ZBTB7C: variants seen among roughly 807,000 people sequenced by gnomAD.
ZBTB7C encodes the protein zinc finger and BTB domain containing 7C.
Under a neutral mutation model 25.7 loss-of-function variants are expected in ZBTB7C, and 8 were observed. That is an observed-to-expected ratio of 0.31 (90% CI 0.18 to 0.56). The LOEUF (loss-of-function observed/expected upper bound fraction) is 0.56. Among genes scored for constraint, ZBTB7C ranks in the 20% least tolerant of loss-of-function variants. The pLI is 0.91. For missense variants in ZBTB7C, 824 were observed against 855.2 expected (o/e 0.96, Z 0.46); for synonymous variants, 394 against 369.0 (o/e 1.07, Z -0.78).
intron 1 of ZBTB7C, among the ~76,000 whole-genome samples, chr18:48,384,599 C>T (rs890740780): frequency 3.9e-5 from 6 of 152,300 alleles, no homozygotes; most frequent in South Asian, 2.1e-4. Flanking sequence ...TACACAAATT[C>T]GTAAACTTTC....
intron 3 of ZBTB7C, among the ~76,000 whole-genome samples, chr18:48,098,560 T>C (rs919922914): frequency 3.3e-5 from 5 of 152,312 alleles, no homozygotes; most frequent in Admixed American, 6.5e-5. Flanking sequence ...CTGAATGTTA[T>C]TGTGCTTTGG....
At chr18:48,202,946 C>T (rs1486695971) in intron 2 of ZBTB7C, among the ~76,000 whole-genome samples, 1 of 151,972 alleles carries the variant, frequency 6.6e-6, no homozygotes, top group Non-Finnish European at 1.5e-5. Flanking sequence ...CTCCTACCTC[C>T]CCACCTACGC....
At chr18:48,198,581 A>C (rs1670705716) in intron 2 of ZBTB7C, among the ~76,000 whole-genome samples, 1 of 151,918 alleles carries the variant, frequency 6.6e-6, no homozygotes, top group Admixed American at 6.6e-5. Flanking sequence ...CCCTTCCTTC[A>C]TCTTCAAAGC....
chr18:48,162,677 T>C (rs2041104949), intron 3 of ZBTB7C, among the ~76,000 whole-genome samples: 1 of 152,158 alleles, frequency 6.6e-6, no homozygotes, highest in Non-Finnish European at 1.5e-5. Context: ...CTTGTAAAAT[T>C]CTGTCTCCTC....
At chr18:48,256,678 G>A (rs968162138) in intron 2 of ZBTB7C, among the ~76,000 whole-genome samples, 5 of 151,802 alleles carry the variant, frequency 3.3e-5, no homozygotes, top group African/African-American at 2.4e-5. Flanking sequence ...TATAACATAT[G>A]TAAAAGTAAA....
intron 3 of ZBTB7C, among the ~76,000 whole-genome samples, chr18:48,057,640 T>G (rs983021200): frequency 2.0e-5 from 3 of 152,238 alleles, no homozygotes; most frequent in Admixed American, 6.5e-5. Flanking sequence ...TTAAAGCCAT[T>G]ATTATTAAAA....
chr18:48,395,498 A>AG (rs1297981578), intron 1 of ZBTB7C, among the ~76,000 whole-genome samples: 1 of 134,572 alleles, frequency 7.4e-6, no homozygotes, highest in African/African-American at 3.0e-5. Flanking sequence ...TGTGTGTCAG[A>AG]GGGGTTGGGG....
Position 48,029,257 on chromosome 18 carries a change from A to C in ZBTB7C, c.*3T>G, listed in dbSNP as rs1296559208. The C allele has an allele frequency of 6.5e-7, 1 of 1,536,304 alleles. No individual in the cohort carries two copies. The highest frequency in any genetic ancestry group is 8.7e-7 in the Non-Finnish European group (1 of 1,148,888). ...TGGTGGGCTGGAGCCGACAGGGACC[A>C]GCCTAGTTGTTGGCTTCGGACATGG... On this transcript the variant is annotated 3_prime_UTR_variant, in exon 5 of 5. Coordinates refer to ENST00000590800, the MANE Select transcript of ZBTB7C (RefSeq NM_001318841.2).
At chr18:48,111,937 A>C (rs1234906453) in intron 3 of ZBTB7C, among the ~76,000 whole-genome samples, 1 of 152,208 alleles carries the variant, frequency 6.6e-6, no homozygotes, top group Admixed American at 6.5e-5. Context: ...ATAAATAGTT[A>C]AGTATGTAAA....
At chr18:48,310,441 A>C (rs920220136) in intron 2 of ZBTB7C, among the ~76,000 whole-genome samples, 1 of 151,942 alleles carries the variant, frequency 6.6e-6, no homozygotes, top group Non-Finnish European at 1.5e-5. Flanking sequence ...AAAAAAAAAA[A>C]AAACTACGTC....
intron 3 of ZBTB7C, among the ~76,000 whole-genome samples, chr18:48,111,492 C>T (rs772767336): frequency 1.9e-4 from 29 of 152,156 alleles, no homozygotes; most frequent in Middle Eastern, 6.3e-3. Context: ...ATTTGGTAAC[C>T]CAAGGTGAGC....
At chr18:48,253,971 A>C (rs2043945707) in intron 2 of ZBTB7C, among the ~76,000 whole-genome samples, 1 of 152,216 alleles carries the variant, frequency 6.6e-6, no homozygotes, top group Non-Finnish European at 1.5e-5. Context: ...AAATTCCAGC[A>C]AAACAGCTAA....
intron 2 of ZBTB7C, among the ~76,000 whole-genome samples, chr18:48,297,144 T>C (rs1157355645): frequency 6.6e-6 from 1 of 152,168 alleles, no homozygotes; most frequent in African/African-American, 2.4e-5. Flanking sequence ...TGCCCGCATG[T>C]TCTAGAGTGC....
intron 2 of ZBTB7C, among the ~76,000 whole-genome samples, chr18:48,247,681 G>T (rs2043733707): frequency 6.6e-6 from 1 of 152,152 alleles, no homozygotes; most frequent in Admixed American, 6.5e-5. Context: ...CATCTTGAAT[G>T]TAATCCCCAT....
intron 3 of ZBTB7C, among the ~76,000 whole-genome samples, chr18:48,179,511 C>T (rs550004044): frequency 2.6e-5 from 4 of 152,056 alleles, no homozygotes; most frequent in East Asian, 3.9e-4. Context: ...GGTTAAGCAC[C>T]AGGAAGGAGA....
chr18:48,371,467 A>C (rs1396191596), intron 1 of ZBTB7C, among the ~76,000 whole-genome samples: 1 of 152,244 alleles, frequency 6.6e-6, no homozygotes, highest in Non-Finnish European at 1.5e-5. Flanking sequence ...GATCATTCAG[A>C]CAATTAGCAG....
chr18:48,352,537 C>G (rs539984662), intron 1 of ZBTB7C, among the ~76,000 whole-genome samples: 3 of 152,164 alleles, frequency 2.0e-5, no homozygotes, highest in African/African-American at 7.2e-5. Context: ...TCTTCATCTG[C>G]TTGGCCAGCC....
intron 3 of ZBTB7C, among the ~76,000 whole-genome samples, chr18:48,178,899 C>A (rs1292942682): frequency 6.6e-6 from 1 of 152,106 alleles, no homozygotes; most frequent in South Asian, 2.1e-4. Context: ...GGCAAGGCTG[C>A]CTCTTCTGGG....
chr18:48,266,614 C>T (rs2044322004), intron 2 of ZBTB7C, among the ~76,000 whole-genome samples: 1 of 152,230 alleles, frequency 6.6e-6, no homozygotes, highest in African/African-American at 2.4e-5. Context: ...CTGCTCTCAG[C>T]AACTGAGCTG....
Sources: allele counts gnomAD v4.1 joint callset (sites outside exome capture counted in the v4.1 genomes callset), GRCh38; gene constraint gnomAD v4.1.1; transcripts MANE v1.5; gene names NCBI Gene and HGNC (gene_info 2026-07-23, HGNC 2026-07-21).